The following IGF1R variants were observed in gnomAD, a reference collection of about 807,000 sequenced individuals.
The protein encoded by IGF1R is insulin like growth factor 1 receptor, also known as insulin-like growth factor 1 receptor.
In IGF1R, 44 loss-of-function variants were observed where a neutral mutation model predicts 144.6. The ratio of observed to expected loss-of-function variants is 0.30; its 90% CI spans 0.24 to 0.39. The LOEUF is 0.39. Among genes scored for constraint, IGF1R ranks in the 10% least tolerant of loss-of-function variants. The probability of loss-of-function intolerance (pLI) is 1.00; values close to 1 mark genes in which losing one functional copy is unlikely to be tolerated. For synonymous variants in IGF1R, 795 were observed against 722.8 expected, an observed-to-expected ratio of 1.10 and a Z score of -1.60; for missense variants, 1,355 against 1,833.7, an observed-to-expected ratio of 0.74 and a Z score of 4.77.
chr15:98,728,902 C>T (rs1403820036), intron 2 of IGF1R, among the ~76,000 whole-genome samples: 1 of 152,232 alleles, frequency 6.6e-6, no homozygotes, highest in African/African-American at 2.4e-5. Flanking sequence ...CTTGGCTCTG[C>T]ACATTGGTGA....
Position 98,845,918 on chromosome 15 carries a change from C to T in IGF1R, c.641-45407C>T, listed in dbSNP as rs1322166818. 3.9e-5 allele frequency among the ~76,000 whole-genome samples: 6 copies of T among 152,274 alleles called. No homozygotes were observed. In the East Asian group the frequency reaches 1.2e-3, roughly 29 times the overall value. Reference sequence around the variant, plus strand: ...TGGCAGCTTTACAAAATAAAAGGTTCGAGATATGAGCCTGATCAAGGCTCT... The same window carrying T: ...TGGCAGCTTTACAAAATAAAAGGTTTGAGATATGAGCCTGATCAAGGCTCT... On this transcript the variant is annotated intron_variant, in intron 2 of 20. Coordinates refer to ENST00000650285, the MANE Select transcript of IGF1R (RefSeq NM_000875.5).
At chr15:98,665,212 A>G (rs564949752) in intron 1 of IGF1R, among the ~76,000 whole-genome samples, 2 of 152,098 alleles carry the variant, frequency 1.3e-5, no homozygotes, top group Non-Finnish European at 2.9e-5. Flanking sequence ...CGGCCTCCCA[A>G]AGTGCTGGGA....
chr15:98,676,197 G>A (rs1420604891), intron 1 of IGF1R, among the ~76,000 whole-genome samples: 2 of 152,020 alleles, frequency 1.3e-5, no homozygotes, highest in Admixed American at 1.3e-4. Flanking sequence ...CTGGAGTGCA[G>A]TGGCGCCATC....
At chr15:98,664,941 G>C (rs1805738764) in intron 1 of IGF1R, among the ~76,000 whole-genome samples, 1 of 148,594 alleles carries the variant, frequency 6.7e-6, no homozygotes, top group Non-Finnish European at 1.5e-5. Flanking sequence ...TTTGACTGCA[G>C]AATTAGGAAC....
At position 98,878,663 on chromosome 15, in the gene IGF1R, C is replaced by CAAAAAAAAAAAAAAAAAA. The variant is rs138285597; in HGVS notation, c.641-12647_641-12630dup. 1.4e-4 allele frequency among the ~76,000 whole-genome samples: 8 copies of CAAAAAAAAAAAAAAAAAA among 57,906 alleles called. 1 individual carries two copies. Among genetic ancestry groups the CAAAAAAAAAAAAAAAAAA allele is most frequent in the South Asian group, 5.8e-4 (1 of 1,714 alleles). The allele number at this position is 57,906 out of a possible 152,430, so 38.0% of individuals were successfully genotyped here. A position where few individuals can be genotyped will look rare whatever the true frequency, so the allele number is the denominator to read the frequency against. On this transcript the variant is annotated intron_variant, in intron 2 of 20. Coordinates refer to ENST00000650285, the MANE Select transcript of IGF1R (RefSeq NM_000875.5). ...TCTCTCTTCTTATTTGTGAAAGACT[C>CAAAAAAAAAAAAAAAAAA]AAAAAAAAAAAAAAAAAAAAAAAAA... is the stretch of plus-strand genomic sequence containing the variant.
chr15:98,767,212 C>T (rs762895637), intron 2 of IGF1R, among the ~76,000 whole-genome samples: 6 of 151,636 alleles, frequency 4.0e-5, no homozygotes, highest in Non-Finnish European at 7.4e-5. Flanking sequence ...TCTCAGTAAG[C>T]GTACTGGGGG....
rs2151653173 is a variant in IGF1R, at chr15:98,897,063, C to A, written c.1102+158C>A. 9 of 700,398 alleles carry A rather than the reference C, an allele frequency of 1.3e-5. No individual in the cohort carries two copies. In the South Asian group the frequency reaches 1.5e-4, roughly 12 times the overall value. 43.4% of individuals were successfully genotyped at this position (700,398 alleles called of 1,614,324 possible). ...CATGACGTCTCTTCTTTGAGTTTCC[C>A]TGAAAGATAAAGAACAGATTGAAAG... On this transcript the variant is annotated intron_variant, in intron 4 of 20. Transcript: ENST00000650285.
chr15:98,761,177 GTC>G, intron 2 of IGF1R, among the ~76,000 whole-genome samples: 1 of 152,340 alleles, frequency 6.6e-6, no homozygotes, highest in East Asian at 1.9e-4. Context: ...CAGTAGGAGA[GTC>G]TGCAGGGGCA....
chr15:98,669,211 C>G (rs1228510984), intron 1 of IGF1R, among the ~76,000 whole-genome samples: 2 of 152,154 alleles, frequency 1.3e-5, no homozygotes, highest in Non-Finnish European at 2.9e-5. Context: ...TTCCTGAGAG[C>G]CTGGTTAGCC....
intron 2 of IGF1R, among the ~76,000 whole-genome samples, chr15:98,863,371 T>G (rs181051404): frequency 9.0e-4 from 137 of 152,308 alleles, no homozygotes; most frequent in African/African-American, 3.1e-3. Context: ...TCTTTGTAAT[T>G]AGGAAGAATC....
intron 2 of IGF1R, among the ~76,000 whole-genome samples, chr15:98,827,970 A>T (rs2141493585): frequency 6.6e-6 from 1 of 152,320 alleles, no homozygotes; most frequent in South Asian, 2.1e-4. Context: ...TGTCTACTGA[A>T]AGCTGATTAA....
Position 98,957,175 on chromosome 15 carries a change from C to G in IGF1R, c.3837C>G (p.Phe1279Leu). The change falls in exon 21 of 21, where the codon TTC becomes TTG. Residue 1279 changes from phenylalanine to leucine, a missense_variant. Phe to Leu is a conservative substitution (Grantham distance 22, BLOSUM62 0). Around this residue, in one of 7 missense-constraint regions of IGF1R, gnomAD observed 219 missense variants for 188.8 expected, o/e 1.16. Coordinates refer to ENST00000650285, the MANE Select transcript of IGF1R (RefSeq NM_000875.5). ...AGCCTGGCTTCCGGGAGGTCTCCTT[C>G]TACTACAGCGAGGAGAACAAGCTGC... ...EMEPGFREVS[F>L]YYSEENKLPE... 6.2e-7 allele frequency: 1 copy of G among 1,614,248 alleles called. No homozygotes were observed. The highest frequency in any genetic ancestry group is 8.5e-7 in the Non-Finnish European group (1 of 1,180,046).
chr15:98,871,984 C>A (rs1055596581), intron 2 of IGF1R, among the ~76,000 whole-genome samples: 1 of 152,244 alleles, frequency 6.6e-6, no homozygotes, highest in African/African-American at 2.4e-5. Context: ...CTAAAAGGAA[C>A]TCCTTCCTAG....
chr15:98,730,762 T>C (rs887949388), intron 2 of IGF1R, among the ~76,000 whole-genome samples: 5 of 152,254 alleles, frequency 3.3e-5, no homozygotes, highest in Non-Finnish European at 5.9e-5. Flanking sequence ...TTTTTATTTG[T>C]AAAATAATTT....
At chr15:98,656,741 T>A (rs1294482247) in intron 1 of IGF1R, among the ~76,000 whole-genome samples, 6 of 151,896 alleles carry the variant, frequency 4.0e-5, no homozygotes. Context: ...ACCATAGGTC[T>A]CTACTTCAGT....
At chr15:98,709,869 T>G (rs1269976702) in intron 2 of IGF1R, among the ~76,000 whole-genome samples, 2 of 152,224 alleles carry the variant, frequency 1.3e-5, no homozygotes, top group African/African-American at 4.8e-5. Flanking sequence ...GTTCACGAAC[T>G]AGGTAGGTAG....
intron 2 of IGF1R, among the ~76,000 whole-genome samples, chr15:98,827,870 C>G (rs538334891): frequency 6.6e-6 from 1 of 152,142 alleles, no homozygotes; most frequent in African/African-American, 2.4e-5. Flanking sequence ...CATGAGCCAC[C>G]GCGCCCGGCC....
chr15:98,657,943 C>A (rs1283430843), intron 1 of IGF1R, among the ~76,000 whole-genome samples: 1 of 152,220 alleles, frequency 6.6e-6, no homozygotes, highest in Non-Finnish European at 1.5e-5. Context: ...CCTGCATTGA[C>A]TCTGACTACA....
intron 1 of IGF1R, among the ~76,000 whole-genome samples, chr15:98,676,892 C>T (rs2053059504): frequency 6.6e-6 from 1 of 151,688 alleles, no homozygotes; most frequent in African/African-American, 2.4e-5. Context: ...TCTTTATTCC[C>T]CATTGTTTAT....
Sources: allele counts gnomAD v4.1 joint callset (sites outside exome capture counted in the v4.1 genomes callset), GRCh38; gene constraint gnomAD v4.1.1; regional missense constraint gnomAD v4.1.1; transcripts MANE v1.5; gene names NCBI Gene and HGNC (gene_info 2026-07-23, HGNC 2026-07-21).